The following DGKA variants were observed in gnomAD, a reference collection of about 807,000 sequenced individuals.
DGKA encodes diacylglycerol kinase alpha.
Under a neutral mutation model 105.0 loss-of-function variants are expected in DGKA, and 35 were observed. The observed-to-expected ratio is 0.33, with a 90% CI of 0.25 to 0.44. The LOEUF is 0.44. Ranked by LOEUF, DGKA falls within the 20% of genes least tolerant of loss-of-function variation. The pLI, the probability that DGKA is intolerant of heterozygous loss-of-function variation, is 1.00. For synonymous variants in DGKA, 296 were observed against 332.0 expected, an observed-to-expected ratio of 0.89 and a Z score of 1.18; for missense variants, 665 against 915.0, an observed-to-expected ratio of 0.73 and a Z score of 3.53.
In DGKA at chr12:55,932,330, C is replaced by T. The variant is rs1883746791; in HGVS notation, c.-82+986C>T. 2 of 571,394 alleles carry T rather than the reference C, an allele frequency of 3.5e-6. No homozygotes were observed. Among genetic ancestry groups the T allele is most frequent in the Non-Finnish European group, 3.1e-6 (1 of 318,682 alleles). The allele number at this position is 571,394 out of a possible 1,614,324, so 35.4% of individuals were successfully genotyped here. ...GGCCCGAACCCGGTGGGTAACGTTT[C>T]CCAGACCTTCCCCTCCATCCCTCCC... On this transcript the variant is annotated intron_variant, in intron 1 of 23. Coordinates refer to ENST00000331886, the MANE Select transcript of DGKA (RefSeq NM_001345.5). This position sits in a 1 kb window ranked among gnomAD's most constrained non-coding sequence, Gnocchi z 4.3.
intron 17 of DGKA, chr12:55,942,679 G>T (rs1886268406): frequency 8.6e-6 from 2 of 233,624 alleles, no homozygotes; most frequent in Non-Finnish European, 1.7e-5. Flanking sequence ...AATTCACTAT[G>T]ATTTCTTTCA....
At position 55,932,019 on chromosome 12, in the gene DGKA, G is replaced by A. The variant is rs1378573329; in HGVS notation, c.-82+675G>A. 6.5e-6 allele frequency: 1 copy of A among 152,706 alleles called. No individual in the cohort carries two copies. The highest frequency in any genetic ancestry group is 1.5e-5 in the Non-Finnish European group (1 of 68,298). The allele number at this position is 152,706 out of a possible 1,614,324, so 9.5% of individuals were successfully genotyped here. A position where few individuals can be genotyped will look rare whatever the true frequency, so the allele number is the denominator to read the frequency against. ...GCAGCTATGTCGTCAGGAACGGGGC[G>A]GCCCCGCTGCGGCCGCGTCTGCCTG... is the stretch of plus-strand genomic sequence containing the variant. On this transcript the variant is annotated intron_variant, in intron 1 of 23. Coordinates refer to ENST00000331886, the MANE Select transcript of DGKA (RefSeq NM_001345.5). This position sits in a 1 kb window ranked among gnomAD's most constrained non-coding sequence, Gnocchi z 4.3.
Position 55,935,795 on chromosome 12 carries a change from G to A in DGKA, c.-81-628G>A, listed in dbSNP as rs1884525087. On this transcript the variant is annotated intron_variant, in intron 1 of 23. Transcript: ENST00000331886. Reference sequence around the variant, plus strand: ...CGCGGAACGCAGTCCAGGCGGGGCCGGGGCTAGGGACCTTGCCAGAGCTGG... The same window carrying A: ...CGCGGAACGCAGTCCAGGCGGGGCCAGGGCTAGGGACCTTGCCAGAGCTGG... 6.0e-6 allele frequency: 5 copies of A among 829,312 alleles called. No individual in the cohort carries two copies. The African/African-American group carries it at 7.4e-5, about 12-fold the overall frequency. The allele number at this position is 829,312 out of a possible 1,614,324, so 51.4% of individuals were successfully genotyped here.
chr12:55,927,801 G>C (rs1394809479), upstream of DGKA: 1 of 1,533,894 alleles, frequency 6.5e-7, no homozygotes, highest in Non-Finnish European at 8.7e-7. Flanking sequence ...GGGCGGCCCT[G>C]GCCTGGCTCT....
chr12:55,950,675 C>A (rs890625607), intron 17 of DGKA, among the ~76,000 whole-genome samples: 7 of 151,468 alleles, frequency 4.6e-5, no homozygotes, highest in African/African-American at 1.7e-4. Flanking sequence ...CTCCTGGTCT[C>A]AAGGGATCAC....
chr12:55,933,492 G>T (rs1283046335), intron 1 of DGKA: 1 of 148,354 alleles, frequency 6.7e-6, no homozygotes, highest in Admixed American at 6.7e-5. Flanking sequence ...GAAAAAAAAT[G>T]GACTTGTTCT....
At chr12:55,935,975 G>GA (rs1401290060) in intron 1 of DGKA, 1 of 989,076 alleles carries the variant, frequency 1.0e-6, no homozygotes, top group African/African-American at 1.7e-5. Context: ...GTCACTCAGA[G>GA]GGCCGGAACT....
chr12:55,938,360 T>G (rs944273033), intron 5 of DGKA, 151 bp from the exon 6 acceptor site: 2 of 982,958 alleles, frequency 2.0e-6, no homozygotes, highest in African/African-American at 3.3e-5. Flanking sequence ...CTGTTTTCCT[T>G]TCCTTTTTGT....
chr12:55,938,055 G>A lies in DGKA; in HGVS notation c.349+3G>A. ...TCGGCCAGAAGACAAGTTAGAATGT[G>A]AGTTGCCCTTCTGAAGTGAGGTGGC... On this transcript the variant is annotated splice_donor_region_variant and intron_variant, in intron 5 of 23. Coordinates refer to ENST00000331886, the MANE Select transcript of DGKA (RefSeq NM_001345.5). 6.2e-7 allele frequency: 1 copy of A among 1,613,818 alleles called. No homozygotes were observed. The highest frequency in any genetic ancestry group is 1.1e-5 in the South Asian group (1 of 91,060).
intron 4 of DGKA, 77 bp downstream of exon 4, chr12:55,937,620 A>C (rs746095444): frequency 4.7e-5 from 73 of 1,553,770 alleles, no homozygotes; most frequent in Non-Finnish European, 6.1e-5. Flanking sequence ...GTTGAGAATT[A>C]ACTTGAGTCA....
rs1565768427 is a variant in DGKA at position 55,953,195 on chromosome 12, GT to G, written c.2063+36del. 2.5e-6 allele frequency: 4 copies of G among 1,613,856 alleles called. No homozygotes were observed. In the East Asian group the frequency reaches 8.9e-5, roughly 36 times the overall value. On this transcript the variant is annotated intron_variant, in intron 22 of 23. Coordinates refer to ENST00000331886, the MANE Select transcript of DGKA (RefSeq NM_001345.5). ...ACTCCACCAGGGTCCCTGAGGGAAG[GT>G]GTGGGGCTGGGGCAGCAGAAGGGTC... is the stretch of plus-strand genomic sequence containing the variant.
At chr12:55,949,487 T>TG (rs906873449) in intron 17 of DGKA, among the ~76,000 whole-genome samples, 3 of 152,182 alleles carry the variant, frequency 2.0e-5, no homozygotes, top group African/African-American at 7.2e-5. Flanking sequence ...GCATGAGCCA[T>TG]GGCACCCAGC....
In DGKA at chr12:55,932,506, C is replaced by G. The variant is rs1415424096; in HGVS notation, c.-82+1162C>G. On this transcript the variant is annotated intron_variant, in intron 1 of 23. Transcript: ENST00000331886. The surrounding 1 kb of genome is among the most constrained non-coding windows in gnomAD (Gnocchi z 4.3). ...CCCACCCCATCCTCTCCCCACCTGT[C>G]ACTGGGAAGTTTCTGAAAATACCTG... The G allele has an allele frequency of 1.4e-6, 1 of 702,034 alleles. No homozygotes were observed. 43.5% of individuals were successfully genotyped at this position (702,034 alleles called of 1,614,324 possible).
intron 17 of DGKA, among the ~76,000 whole-genome samples, chr12:55,945,579 C>A (rs754366528): frequency 6.6e-6 from 1 of 152,098 alleles, no homozygotes; most frequent in South Asian, 2.1e-4. Context: ...AGGGAATAAT[C>A]CTTTGCTTTT....
intron 1 of DGKA, among the ~76,000 whole-genome samples, chr12:55,933,863 T>C (rs1396504189): frequency 6.6e-6 from 1 of 152,258 alleles, no homozygotes; most frequent in African/African-American, 2.4e-5. Context: ...GGTACTACCC[T>C]TGTGTAATAA....
At chr12:55,941,900 C>T in intron 15 of DGKA, 98 bp from the exon 16 acceptor site, 2 of 1,251,430 alleles carry the variant, frequency 1.6e-6, no homozygotes, top group South Asian at 1.2e-5. Context: ...GGAGGAGGGT[C>T]CTACGGAATG....
At chr12:55,927,712 G>T, upstream of DGKA, 1 of 1,539,476 alleles carries the variant, frequency 6.5e-7, no homozygotes. Flanking sequence ...GGAGGGCGCC[G>T]CGGGTCGGTC....
chr12:55,927,456 C>CA, upstream of DGKA: 1 of 691,634 alleles, frequency 1.4e-6, no homozygotes, highest in Non-Finnish European at 2.6e-6. Flanking sequence ...CACCTGCACC[C>CA]AAAAAGGGGG....
intron 17 of DGKA, among the ~76,000 whole-genome samples, chr12:55,949,158 TTACA>T (rs1421754062): frequency 6.6e-6 from 1 of 152,172 alleles, no homozygotes; most frequent in Non-Finnish European, 1.5e-5. Context: ...TTTTCTGTTT[TTACA>T]TGCATGCACA....
Sources: gnomAD v4.1 joint callset for allele counts (sites outside exome capture counted in the v4.1 genomes callset) on GRCh38, gnomAD v4.1.1 for gene constraint, Gnocchi (gnomAD v3.1) non-coding constraint, MANE v1.5 for transcripts, NCBI Gene and HGNC (gene_info 2026-07-23, HGNC 2026-07-21) for gene names.